Variants in RANBP2 observed in about 807,000 individuals in gnomAD.
The protein encoded by RANBP2 is E3 SUMO-protein ligase RanBP2.
Under a neutral mutation model 303.6 loss-of-function variants are expected in RANBP2, and 57 were observed. That is an observed-to-expected ratio of 0.19 (90% CI 0.15 to 0.23). The LOEUF is 0.23. Ranked by LOEUF, RANBP2 falls within the 10% of genes least tolerant of loss-of-function variation. The pLI is 1.00. For synonymous variants in RANBP2, 1,167 were observed against 1,301.5 expected, an observed-to-expected ratio of 0.90 and a Z score of 2.23; for missense variants, 3,138 against 3,780.8, an observed-to-expected ratio of 0.83 and a Z score of 4.46.
chr2:109,185,268 T>A, the RANBP2 span, among the ~76,000 whole-genome samples: 4 of 152,244 alleles, frequency 2.6e-5, no homozygotes, highest in East Asian at 7.7e-4. Context: ...GTAAGGCATC[T>A]TTCCTAATCG....
the RANBP2 span, among the ~76,000 whole-genome samples, chr2:109,410,182 G>A: frequency 1.3e-5 from 2 of 152,240 alleles, no homozygotes; most frequent in Admixed American, 1.3e-4. Context: ...CGCGGCCACA[G>A]CACTGCAGCC....
At chr2:108,903,358 C>T in the RANBP2 span, among the ~76,000 whole-genome samples, 1 of 151,734 alleles carries the variant, frequency 6.6e-6, no homozygotes, top group Non-Finnish European at 1.5e-5. Context: ...AAAATCCCAG[C>T]AAGGCATTTT....
chr2:109,434,495 T>A, the RANBP2 span, among the ~76,000 whole-genome samples: 1 of 152,220 alleles, frequency 6.6e-6, no homozygotes, highest in African/African-American at 2.4e-5. Flanking sequence ...TCCTGACGTG[T>A]GTCAGTCAGT....
At chr2:109,214,998 A>G in the RANBP2 span, among the ~76,000 whole-genome samples, 11 of 152,234 alleles carry the variant, frequency 7.2e-5, no homozygotes, top group Admixed American at 3.9e-4. Context: ...GTGGAGGCAG[A>G]GTAAGATCTC....
At chr2:109,125,735 T>G in the RANBP2 span, among the ~76,000 whole-genome samples, 1 of 152,282 alleles carries the variant, frequency 6.6e-6, no homozygotes, top group Admixed American at 6.5e-5. Flanking sequence ...AAGCCAGGTC[T>G]TCTCAATTAT....
At chr2:109,633,394 A>AAAAACAAAAC in the RANBP2 span, among the ~76,000 whole-genome samples, 127 of 150,866 alleles carry the variant, frequency 8.4e-4, 1 homozygote, top group Middle Eastern at 3.4e-3. Flanking sequence ...CTCCATCTCA[A>AAAAACAAAAC]AAAACAAAAC....
At chr2:109,669,804 C>T in the RANBP2 span, among the ~76,000 whole-genome samples, 1 of 152,146 alleles carries the variant, frequency 6.6e-6, no homozygotes, top group Admixed American at 6.5e-5. Flanking sequence ...CTTGATAGTG[C>T]ACCCAACCTG....
chr2:109,633,253 C>T, the RANBP2 span, among the ~76,000 whole-genome samples: 37 of 151,962 alleles, frequency 2.4e-4, no homozygotes, highest in Admixed American at 3.9e-4. Context: ...ATTAGCCGGA[C>T]GTGGTGGTGC....
At chr2:109,623,019 C>G in the RANBP2 span, among the ~76,000 whole-genome samples, 1 of 151,912 alleles carries the variant, frequency 6.6e-6, no homozygotes, top group Non-Finnish European at 1.5e-5. Context: ...CCCAGCTACT[C>G]GGGAGGCTGA....
the RANBP2 span, among the ~76,000 whole-genome samples, chr2:109,636,900 A>G: frequency 3.3e-5 from 5 of 152,138 alleles, no homozygotes; most frequent in Non-Finnish European, 4.4e-5. Context: ...CGAGAGACTG[A>G]GAAAGAGAGA....
At chr2:108,940,535 T>C in the RANBP2 span, among the ~76,000 whole-genome samples, 2 of 152,248 alleles carry the variant, frequency 1.3e-5, no homozygotes, top group African/African-American at 4.8e-5. Context: ...CCCTGGGCCA[T>C]GCCTGAGCCC....
At chr2:109,007,703 G>C in the RANBP2 span, among the ~76,000 whole-genome samples, 1 of 152,158 alleles carries the variant, frequency 6.6e-6, no homozygotes, top group African/African-American at 2.4e-5. Flanking sequence ...CTACTTTGTG[G>C]GTAGAAAGAT....
chr2:109,074,000 C>T, the RANBP2 span, among the ~76,000 whole-genome samples: 1 of 150,458 alleles, frequency 6.6e-6, no homozygotes, highest in African/African-American at 2.4e-5. Context: ...AAACAAAACC[C>T]AACAATAAAA....
chr2:108,984,012 A>C, the RANBP2 span, among the ~76,000 whole-genome samples: 3 of 152,198 alleles, frequency 2.0e-5, no homozygotes, highest in East Asian at 5.8e-4. Context: ...GTCTGTTGCT[A>C]AGTGTTCTTT....
the RANBP2 span, among the ~76,000 whole-genome samples, chr2:109,482,413 G>A: frequency 6.6e-6 from 1 of 152,206 alleles, no homozygotes; most frequent in Non-Finnish European, 1.5e-5. Flanking sequence ...AGCTCCATCT[G>A]TTGCCAAAGC....
At chr2:109,432,478 C>T in the RANBP2 span, 2 of 1,612,076 alleles carry the variant, frequency 1.2e-6, no homozygotes, top group Non-Finnish European at 1.7e-6. Context: ...CCCACTGACA[C>T]TGGCCCCATG....
the RANBP2 span, among the ~76,000 whole-genome samples, chr2:109,222,301 C>T: frequency 6.6e-6 from 1 of 152,060 alleles, no homozygotes; most frequent in Non-Finnish European, 1.5e-5. Flanking sequence ...GATTAGTTAA[C>T]AACAATTTAT....
the RANBP2 span, among the ~76,000 whole-genome samples, chr2:109,484,144 G>A: frequency 6.7e-6 from 1 of 148,346 alleles, no homozygotes; most frequent in Non-Finnish European, 1.5e-5. Context: ...TCTTGTCACT[G>A]CAACCTCTGC....
At chr2:109,361,867 A>G in the RANBP2 span, among the ~76,000 whole-genome samples, 2 of 152,218 alleles carry the variant, frequency 1.3e-5, no homozygotes. Context: ...TGGACATAGC[A>G]TTATTCATAA....
Sources: gnomAD v4.1 joint callset for allele counts (sites outside exome capture counted in the v4.1 genomes callset) on GRCh38, gnomAD v4.1.1 for gene constraint, MANE v1.5 for transcripts, NCBI Gene and HGNC (gene_info 2026-07-23, HGNC 2026-07-21) for gene names.